Variants in EYS observed in about 807,000 individuals in gnomAD.
EYS encodes the protein protein eyes shut homolog.
Under a neutral mutation model 282.1 loss-of-function variants are expected in EYS, and 250 were observed. The observed-to-expected ratio is 0.89, with a 90% confidence interval of 0.80 to 0.98. EYS has a LOEUF of 0.98. Ranked by LOEUF, EYS falls within the 50% of genes least tolerant of loss-of-function variation. The pLI is 0.00. For missense variants in EYS, 4,016 were observed against 3,709.0 expected, an observed-to-expected ratio of 1.08 and a Z score of -2.15; for synonymous variants, 1,355 against 1,282.9, an observed-to-expected ratio of 1.06 and a Z score of -1.20.
chr6:63,788,020 G>C (rs879743824), intron 39 of EYS, 85 bp downstream of exon 39: 8 of 1,046,068 alleles, frequency 7.6e-6, no homozygotes, highest in Non-Finnish European at 1.1e-5. Context: ...GCTGGTTTGG[G>C]AAATAGAAGT....
intron 15 of EYS, among the ~76,000 whole-genome samples, chr6:64,931,651 T>C (rs1322143417): frequency 2.0e-5 from 3 of 152,094 alleles, no homozygotes; most frequent in African/African-American, 7.2e-5. Context: ...ATGTTTTAAA[T>C]AATAAAAACT....
chr6:64,811,232 C>G (rs1764581082), intron 22 of EYS, among the ~76,000 whole-genome samples: 1 of 151,966 alleles, frequency 6.6e-6, no homozygotes, highest in African/African-American at 2.4e-5. Context: ...CAAGGCATTA[C>G]CATTGACAGA....
chr6:64,223,532 T>A (rs1338208397), intron 31 of EYS, among the ~76,000 whole-genome samples: 1 of 152,034 alleles, frequency 6.6e-6, no homozygotes, highest in Non-Finnish European at 1.5e-5. Flanking sequence ...GGACACATGC[T>A]GTGGTACATT....
chr6:64,912,668 C>T lies in EYS; in HGVS notation c.2457G>A (p.Met819Ile), dbSNP rs1342866998. 1 of 1,545,604 alleles carries T rather than the reference C, an allele frequency of 6.5e-7. No homozygotes were observed. Among genetic ancestry groups the T allele is most frequent in the Non-Finnish European group, 8.8e-7 (1 of 1,142,634 alleles). The change falls in exon 16 of 43, where the codon ATG becomes ATA. Residue 819 changes from methionine (M) to isoleucine (I), a missense_variant. Physicochemically the swap from Met to Ile is conservative, Grantham distance 10. Coordinates refer to ENST00000503581, the MANE Select transcript of EYS (RefSeq NM_001142800.2). ...EINECDSDPC[M>I]NGGLCHESTI... Reference sequence around the variant, plus strand: ...TAGATTCATGACAAAGACCTCCATTCATGCATGGATCAGAGTCGCATTCAT... The same window carrying T: ...TAGATTCATGACAAAGACCTCCATTTATGCATGGATCAGAGTCGCATTCAT...
chr6:64,757,521 G>T (rs899163941), intron 22 of EYS, among the ~76,000 whole-genome samples: 2 of 151,898 alleles, frequency 1.3e-5, no homozygotes, highest in East Asian at 3.9e-4. Flanking sequence ...TACACATTTT[G>T]GTAGAAAAAC....
At chr6:63,964,764 A>G (rs1282249094) in intron 35 of EYS, among the ~76,000 whole-genome samples, 1 of 152,250 alleles carries the variant, frequency 6.6e-6, no homozygotes, top group Non-Finnish European at 1.5e-5. Flanking sequence ...TCCTCTTGTT[A>G]GTACAATTAA....
intron 41 of EYS, among the ~76,000 whole-genome samples, chr6:63,761,740 A>G (rs1769647362): frequency 6.6e-6 from 1 of 152,022 alleles, no homozygotes; most frequent in Admixed American, 6.6e-5. Context: ...AATAGTAGAT[A>G]GTCCAGTCTC....
intron 35 of EYS, among the ~76,000 whole-genome samples, chr6:63,975,669 T>G (rs1035054741): frequency 6.6e-6 from 1 of 152,030 alleles, no homozygotes; most frequent in African/African-American, 2.4e-5. Context: ...CTTCTGGTAA[T>G]GCAAAAAGTG....
At chr6:64,085,144 A>G (rs1035571451) in intron 31 of EYS, among the ~76,000 whole-genome samples, 3 of 151,628 alleles carry the variant, frequency 2.0e-5, no homozygotes, top group Non-Finnish European at 4.4e-5. Context: ...TGTCTGGCTA[A>G]TTTTTGCATT....
rs1176756761 is a variant in EYS, at chr6:65,399,836, C to T, written c.1184+2642G>A. On this transcript the variant is annotated intron_variant, in intron 7 of 42. Transcript: ENST00000503581. ...ATAAACAATTTGATCATTGTTCTGG[C>T]TCTCCTTTTAATCCTTTCAGCTCTA... 4.6e-5 allele frequency among the ~76,000 whole-genome samples: 7 copies of T among 151,990 alleles called. No individual in the cohort carries two copies. In the East Asian group the frequency reaches 1.2e-3, roughly 25 times the overall value.
rs1769934049 is a variant in EYS at position 65,335,062 on chromosome 6, T to C, written c.1684A>G (p.Met562Val). 2 of 1,612,062 alleles carry C rather than the reference T, an allele frequency of 1.2e-6. No homozygotes were observed. The highest frequency in any genetic ancestry group is 1.7e-6 in the Non-Finnish European group (2 of 1,178,790). ...YLCFLRWAGNMYLENTTDDQE... is the reference protein window; with the variant it reads ...YLCFLRWAGNVYLENTTDDQE... ...TCATCAGTTGTATTTTCCAGATACA[T>C]GTTGCCAGCCCATCTGAGAAAACAT... The change falls in exon 11 of 43, where the codon ATG (methionine) becomes GTG (valine). Residue 562 changes from methionine to valine, a missense_variant. Transcript: ENST00000503581.
intron 5 of EYS, among the ~76,000 whole-genome samples, chr6:65,444,822 C>T (rs1655903458): frequency 6.6e-6 from 1 of 151,986 alleles, no homozygotes; most frequent in Non-Finnish European, 1.5e-5. Context: ...ACTATATCAA[C>T]TATTTGATTA....
intron 14 of EYS, among the ~76,000 whole-genome samples, chr6:64,968,213 A>G (rs115985150): frequency 0.016 from 2,398 of 152,284 alleles, 66 homozygotes; most frequent in African/African-American, 0.054. Context: ...ACTTACAGAA[A>G]CAGTAAAAAA....
chr6:65,405,737 T>C (rs1344521573), intron 5 of EYS, among the ~76,000 whole-genome samples: 1 of 152,034 alleles, frequency 6.6e-6, no homozygotes, highest in African/African-American at 2.4e-5. Flanking sequence ...CAATTTTTTT[T>C]AAAGAATTTT....
At chr6:64,668,520 G>T (rs1000133918) in intron 22 of EYS, among the ~76,000 whole-genome samples, 3 of 142,092 alleles carry the variant, frequency 2.1e-5, no homozygotes, top group African/African-American at 7.8e-5. Context: ...CCCTCACCCA[G>T]CCTTCCAGCT....
At chr6:64,067,789 G>T (rs1459516366) in intron 32 of EYS, among the ~76,000 whole-genome samples, 1 of 152,122 alleles carries the variant, frequency 6.6e-6, no homozygotes, top group Non-Finnish European at 1.5e-5. Context: ...TACTGCATTT[G>T]TTTTGGCTCA....
intron 22 of EYS, among the ~76,000 whole-genome samples, chr6:64,663,429 G>A (rs1473783224): frequency 6.6e-6 from 1 of 152,086 alleles, no homozygotes; most frequent in African/African-American, 2.4e-5. Context: ...AACTTATGCT[G>A]TTTGAAAAAA....
chr6:64,659,658 C>T (rs1349536398), intron 22 of EYS, among the ~76,000 whole-genome samples: 1 of 152,252 alleles, frequency 6.6e-6, no homozygotes, highest in South Asian at 2.1e-4. Flanking sequence ...AATTCCTTGA[C>T]ACATACACCC....
chr6:65,358,990 A>G (rs1349336494), intron 8 of EYS, among the ~76,000 whole-genome samples: 2 of 152,082 alleles, frequency 1.3e-5, no homozygotes, highest in Non-Finnish European at 2.9e-5. Flanking sequence ...GGAAATACAC[A>G]AACATGCCTT....
Sources: gnomAD v4.1 joint callset for allele counts (sites outside exome capture counted in the v4.1 genomes callset) on GRCh38, gnomAD v4.1.1 for gene constraint, MANE v1.5 for transcripts, NCBI Gene and HGNC (gene_info 2026-07-23, HGNC 2026-07-21) for gene names.